VPS13B: variants seen among roughly 807,000 people sequenced by gnomAD.
VPS13B encodes vacuolar protein sorting 13 homolog B.
In VPS13B, 285 loss-of-function variants were observed where a neutral mutation model predicts 426.4. The observed-to-expected ratio is 0.67, with a 90% CI of 0.61 to 0.74. VPS13B has a LOEUF of 0.74. VPS13B is among the 30% of genes least tolerant of loss of function. The pLI is 0.00. For synonymous variants in VPS13B, 1,676 were observed against 1,676.4 expected, an observed-to-expected ratio of 1.00 and a Z score of 0.01; for missense variants, 4,537 against 4,782.6, an observed-to-expected ratio of 0.95 and a Z score of 1.51.
chr8:99,369,062 C>T (rs1588299661), intron 19 of VPS13B, among the ~76,000 whole-genome samples: 1 of 152,140 alleles, frequency 6.6e-6, no homozygotes, highest in East Asian at 1.9e-4. Flanking sequence ...TGTACTGTGT[C>T]CCTTTTCCTT....
intron 21 of VPS13B, among the ~76,000 whole-genome samples, chr8:99,420,181 A>T (rs1338114492): frequency 6.6e-6 from 1 of 152,152 alleles, no homozygotes; most frequent in Non-Finnish European, 1.5e-5. Flanking sequence ...CTGAATTATT[A>T]CAGCTGAACA....
intron 48 of VPS13B, 132 bp downstream of exon 48, chr8:99,819,714 G>C: frequency 8.1e-7 from 1 of 1,233,676 alleles, no homozygotes; most frequent in African/African-American, 1.5e-5. Flanking sequence ...CATCTAGTAG[G>C]TGTATTTTGT....
intron 3 of VPS13B, among the ~76,000 whole-genome samples, chr8:99,088,992 C>T (rs1845995547): frequency 6.6e-6 from 1 of 152,004 alleles, no homozygotes; most frequent in African/African-American, 2.4e-5. Flanking sequence ...TTTTTCTTTT[C>T]TCAGGATAAG....
chr8:99,293,921 A>T (rs1819885304), intron 19 of VPS13B, among the ~76,000 whole-genome samples: 1 of 114,482 alleles, frequency 8.7e-6, no homozygotes, highest in Admixed American at 8.4e-5. Flanking sequence ...GAGAAATAGG[A>T]ACACTTTTAC....
At chr8:99,711,052 TTTA>T (rs1832691752) in intron 36 of VPS13B, among the ~76,000 whole-genome samples, 1 of 152,000 alleles carries the variant, frequency 6.6e-6, no homozygotes, top group African/African-American at 2.4e-5. Context: ...AACTAATGTG[TTTA>T]TTATTATGTT....
intron 30 of VPS13B, among the ~76,000 whole-genome samples, chr8:99,528,101 G>A (rs964499287): frequency 5.3e-5 from 8 of 152,012 alleles, no homozygotes; most frequent in African/African-American, 1.9e-4. Context: ...GCCATGTTAT[G>A]CTATAATTGC....
intron 12 of VPS13B, among the ~76,000 whole-genome samples, chr8:99,138,230 G>T (rs371449438): frequency 6.6e-6 from 1 of 152,150 alleles, no homozygotes; most frequent in African/African-American, 2.4e-5. Flanking sequence ...TGGTTCAAGC[G>T]ATTCTCATGC....
chr8:99,274,390 G>A (rs994060511), intron 18 of VPS13B, 58 bp downstream of exon 18: 17 of 1,612,088 alleles, frequency 1.1e-5, no homozygotes, highest in South Asian at 5.5e-5. Flanking sequence ...TTGGCCTTGC[G>A]TTTTACAAGG....
At chr8:99,283,599 G>C (rs1305949060) in intron 19 of VPS13B, among the ~76,000 whole-genome samples, 2 of 152,134 alleles carry the variant, frequency 1.3e-5, no homozygotes, top group African/African-American at 4.8e-5. Flanking sequence ...CAAGCCCTTT[G>C]GGAGTTTTGA....
chr8:99,074,414 A>T (rs570853778), intron 3 of VPS13B, among the ~76,000 whole-genome samples: 1 of 151,718 alleles, frequency 6.6e-6, no homozygotes, highest in South Asian at 2.1e-4. Flanking sequence ...CTACCTGATT[A>T]GGAGAATGGC....
At chr8:99,287,938 T>C (rs540349647) in intron 19 of VPS13B, among the ~76,000 whole-genome samples, 1 of 152,152 alleles carries the variant, frequency 6.6e-6, no homozygotes, top group East Asian at 1.9e-4. Context: ...AGTGGTTATC[T>C]TTTATAATCC....
At chr8:99,121,955 C>T (rs2132518592) in intron 8 of VPS13B, among the ~76,000 whole-genome samples, 1 of 148,148 alleles carries the variant, frequency 6.8e-6, no homozygotes, top group African/African-American at 2.5e-5. Flanking sequence ...GGGCTCAAGA[C>T]ATCCTCTCAC....
chr8:99,700,334 C>T (rs923035983), intron 36 of VPS13B, among the ~76,000 whole-genome samples: 2 of 152,208 alleles, frequency 1.3e-5, no homozygotes, highest in African/African-American at 2.4e-5. Context: ...AATTCTCAGA[C>T]CCCACCCATG....
chr8:99,198,245 G>A (rs1019218301), intron 17 of VPS13B, among the ~76,000 whole-genome samples: 2 of 152,034 alleles, frequency 1.3e-5, no homozygotes, highest in African/African-American at 4.8e-5. Flanking sequence ...ATCACTGTGT[G>A]AAACTGTCTA....
chr8:99,124,882 C>CAAAAAA (rs34328080), intron 8 of VPS13B, among the ~76,000 whole-genome samples: 7 of 86,196 alleles, frequency 8.1e-5, no homozygotes, highest in Middle Eastern at 7.7e-3. Context: ...GACTCCGTCT[C>CAAAAAA]AAAAAAAAAA....
intron 19 of VPS13B, among the ~76,000 whole-genome samples, chr8:99,376,441 G>A (rs1233714902): frequency 6.6e-6 from 1 of 151,954 alleles, no homozygotes; most frequent in African/African-American, 2.4e-5. Context: ...AAATTTTAAG[G>A]CTGGCTGTAA....
chr8:99,510,964 T>G, intron 28 of VPS13B, 140 bp from the exon 29 acceptor site: 1 of 878,762 alleles, frequency 1.1e-6, no homozygotes, highest in Non-Finnish European at 1.7e-6. Context: ...TCTGCAGAAT[T>G]GATCAGTCAT....
In VPS13B at chr8:99,575,222, T is replaced by G. The variant is rs943905111; in HGVS notation, c.4950-436T>G. Among the ~76,000 whole-genome samples, 9 of 151,922 alleles carry G rather than the reference T, an allele frequency of 5.9e-5. No homozygotes were observed. The East Asian group carries it at 1.4e-3, about 23-fold the overall frequency. On this transcript the variant is annotated intron_variant, in intron 31 of 61. Coordinates refer to ENST00000357162, the MANE Select transcript of VPS13B (RefSeq NM_152564.5). Reference sequence around the variant, plus strand: ...CTTAAAAAGAAAAGAATTCAAAGACTAAAAGGATATGCTTATGACCCTAAT... The same window carrying G: ...CTTAAAAAGAAAAGAATTCAAAGACGAAAAGGATATGCTTATGACCCTAAT...
intron 32 of VPS13B, 49 bp downstream of exon 32, chr8:99,575,833 C>G (rs778688448): frequency 1.1e-5 from 18 of 1,583,354 alleles, no homozygotes; most frequent in Non-Finnish European, 1.6e-5. Flanking sequence ...TGGAATTGCT[C>G]CTCTTTGTAT....
Sources: allele counts gnomAD v4.1 joint callset (sites outside exome capture counted in the v4.1 genomes callset), GRCh38; gene constraint gnomAD v4.1.1; transcripts MANE v1.5; gene names NCBI Gene and HGNC (gene_info 2026-07-23, HGNC 2026-07-21).